The following PRKN variants were observed in gnomAD, a reference collection of about 807,000 sequenced individuals.
PRKN encodes parkin RBR E3 ubiquitin protein ligase.
PRKN carries 56 observed loss-of-function variants against 59.5 expected under a neutral mutation model. The observed-to-expected ratio is 0.94, with a 90% CI of 0.76 to 1.18. PRKN has a LOEUF of 1.18. Among genes scored for constraint, PRKN ranks in the 50% most tolerant of loss-of-function variants. PRKN has a pLI of 0.00. For missense variants in PRKN, 657 were observed against 596.4 expected, an observed-to-expected ratio of 1.10 and a Z score of -1.06; for synonymous variants, 250 against 222.1, an observed-to-expected ratio of 1.13 and a Z score of -1.12.
intron 6 of PRKN, among the ~76,000 whole-genome samples, chr6:161,880,555 A>G (rs1794895722): frequency 6.6e-6 from 1 of 152,182 alleles, no homozygotes; most frequent in Non-Finnish European, 1.5e-5. Flanking sequence ...CCCCGGAAAG[A>G]CAGTGCGGTC....
At chr6:162,524,297 G>A (rs1642041593) in intron 1 of PRKN, among the ~76,000 whole-genome samples, 1 of 152,096 alleles carries the variant, frequency 6.6e-6, no homozygotes, top group African/African-American at 2.4e-5. Context: ...TATTCAACAA[G>A]CATCTGGGAT....
chr6:162,566,984 C>G (rs1355223252), intron 1 of PRKN, among the ~76,000 whole-genome samples: 1 of 152,158 alleles, frequency 6.6e-6, no homozygotes, highest in African/African-American at 2.4e-5. Context: ...TGTGATACAT[C>G]ATATCAACAG....
At chr6:161,600,764 C>T (rs1437932869) in intron 7 of PRKN, among the ~76,000 whole-genome samples, 6 of 152,132 alleles carry the variant, frequency 3.9e-5, no homozygotes, top group African/African-American at 1.2e-4. Context: ...TTTCTTATTT[C>T]ATTCTTTCTT....
At chr6:161,863,905 A>C (rs1794007170) in intron 6 of PRKN, among the ~76,000 whole-genome samples, 1 of 152,220 alleles carries the variant, frequency 6.6e-6, no homozygotes, top group African/African-American at 2.4e-5. Context: ...AGTGTACAAG[A>C]GCATTATGTC....
At chr6:162,096,701 GTGCCTT>G (rs1471425373) in intron 4 of PRKN, among the ~76,000 whole-genome samples, 45 of 152,010 alleles carry the variant, frequency 3.0e-4, no homozygotes, top group African/African-American at 1.0e-3. Flanking sequence ...CATGTAAGAT[GTGCCTT>G]TGCCTTTCAC....
intron 9 of PRKN, among the ~76,000 whole-genome samples, chr6:161,519,063 A>G (rs186819332): frequency 5.0e-4 from 76 of 152,328 alleles, no homozygotes; most frequent in African/African-American, 1.7e-3. Context: ...CCCAGAGACA[A>G]TAAGCCCTCT....
In PRKN at chr6:161,562,269, C is replaced by T. The variant is rs1027918526; in HGVS notation, c.933+7086G>A. Reference sequence around the variant, plus strand: ...CTGGAGGACCCGCCTTCTTGGCTTCCTCAACACCACAAATTGCCATTCCTC... The same window carrying T: ...CTGGAGGACCCGCCTTCTTGGCTTCTTCAACACCACAAATTGCCATTCCTC... On this transcript the variant is annotated intron_variant, in intron 8 of 11. Coordinates refer to ENST00000366898, the MANE Select transcript of PRKN (RefSeq NM_004562.3). This position sits in a 1 kb window ranked among gnomAD's most constrained non-coding sequence, Gnocchi z 4.3. 6.0e-5 allele frequency among the ~76,000 whole-genome samples: 9 copies of T among 151,078 alleles called. No homozygotes were observed. Among genetic ancestry groups the T allele is most frequent in the Non-Finnish European group, 1.2e-4 (8 of 67,800 alleles).
chr6:162,713,667 G>C (rs1778622960), intron 1 of PRKN, among the ~76,000 whole-genome samples: 1 of 151,804 alleles, frequency 6.6e-6, no homozygotes, highest in South Asian at 2.1e-4. Flanking sequence ...TTAATAAAAA[G>C]ACTCAAATGT....
At chr6:162,468,320 T>C (rs1791538132) in intron 1 of PRKN, among the ~76,000 whole-genome samples, 1 of 152,202 alleles carries the variant, frequency 6.6e-6, no homozygotes, top group Non-Finnish European at 1.5e-5. Context: ...TTTTATTGTA[T>C]CCTGAGTGGC....
rs1214684490 is a variant in PRKN at position 161,549,181 on chromosome 6, G to T, written c.934-178C>A. On this transcript the variant is annotated intron_variant, in intron 8 of 11. Coordinates refer to ENST00000366898, the MANE Select transcript of PRKN (RefSeq NM_004562.3). The surrounding 1 kb of genome is among the most constrained non-coding windows in gnomAD (Gnocchi z 6.0). Reference sequence around the variant, plus strand: ...GGCCACGGGGTTGATAGGGGAGGACGAATATGGTTCAATGCAGTAAAAGTC... The same window carrying T: ...GGCCACGGGGTTGATAGGGGAGGACTAATATGGTTCAATGCAGTAAAAGTC... Among the ~76,000 whole-genome samples the T allele has an allele frequency of 6.6e-6, 1 of 152,030 alleles. No individual in the cohort carries two copies. Among genetic ancestry groups the T allele is most frequent in the Non-Finnish European group, 1.5e-5 (1 of 67,996 alleles).
At chr6:162,388,804 C>A (rs894567897) in intron 2 of PRKN, among the ~76,000 whole-genome samples, 1 of 152,030 alleles carries the variant, frequency 6.6e-6, no homozygotes, top group Admixed American at 6.6e-5. Flanking sequence ...AGCATCTGGC[C>A]CAGCATCTGG....
intron 4 of PRKN, among the ~76,000 whole-genome samples, chr6:162,154,956 A>C (rs2128314737): frequency 6.6e-6 from 1 of 150,810 alleles, no homozygotes; most frequent in African/African-American, 2.4e-5. Flanking sequence ...TCAACTCTGG[A>C]TTTCAGGTGA....
At chr6:162,239,375 A>T (rs1778890194) in intron 3 of PRKN, among the ~76,000 whole-genome samples, 1 of 152,126 alleles carries the variant, frequency 6.6e-6, no homozygotes, top group Admixed American at 6.5e-5. Context: ...CTATTTTGTA[A>T]TGCAAGATAT....
intron 7 of PRKN, among the ~76,000 whole-genome samples, chr6:161,626,922 T>A (rs1201670975): frequency 6.6e-6 from 1 of 152,168 alleles, no homozygotes; most frequent in Non-Finnish European, 1.5e-5. Context: ...AAGGCCAGGT[T>A]CTGGGGCCTA....
At chr6:161,507,889 C>T (rs968858027) in intron 9 of PRKN, among the ~76,000 whole-genome samples, 2 of 152,122 alleles carry the variant, frequency 1.3e-5, no homozygotes, top group Admixed American at 6.6e-5. Flanking sequence ...TTTGTATGCT[C>T]AGTGCAAAAC....
chr6:161,799,502 G>C (rs1330827618), intron 6 of PRKN, among the ~76,000 whole-genome samples: 1 of 152,198 alleles, frequency 6.6e-6, no homozygotes, highest in Non-Finnish European at 1.5e-5. Flanking sequence ...CCAGTTTGGA[G>C]AGCACCCAAT....
At chr6:162,296,822 C>T in intron 2 of PRKN, among the ~76,000 whole-genome samples, 1 of 152,148 alleles carries the variant, frequency 6.6e-6, no homozygotes, top group Non-Finnish European at 1.5e-5. Context: ...ATCAGAATGT[C>T]TTCAGCTACC....
chr6:162,727,008 A>G (rs1779248548), intron 1 of PRKN: 1 of 152,218 alleles, frequency 6.6e-6, no homozygotes, highest in South Asian at 2.1e-4. Context: ...TACAAAAAAA[A>G]AAAAGAAAGG....
At chr6:161,840,388 G>T (rs1792934758) in intron 6 of PRKN, among the ~76,000 whole-genome samples, 1 of 152,182 alleles carries the variant, frequency 6.6e-6, no homozygotes, top group African/African-American at 2.4e-5. Flanking sequence ...GCTGAGAGCT[G>T]GGAAAGCCAT....
Sources: gnomAD v4.1 joint callset for allele counts (sites outside exome capture counted in the v4.1 genomes callset) on GRCh38, gnomAD v4.1.1 for gene constraint, Gnocchi (gnomAD v3.1) non-coding constraint, MANE v1.5 for transcripts, NCBI Gene and HGNC (gene_info 2026-07-23, HGNC 2026-07-21) for gene names.